The following RALGPS2 variants were observed in gnomAD, a reference collection of about 807,000 sequenced individuals.
The protein encoded by RALGPS2 is Ral GEF with PH domain and SH3 binding motif 2.
Under a neutral mutation model 86.8 loss-of-function variants are expected in RALGPS2, and 43 were observed. That is an observed-to-expected ratio of 0.50 (90% CI 0.39 to 0.64). The LOEUF (loss-of-function observed/expected upper bound fraction) is 0.64, where lower values mean the gene tolerates loss of function less well. Ranked by LOEUF, RALGPS2 falls within the 30% of genes least tolerant of loss-of-function variation. The probability of loss-of-function intolerance (pLI) is 0.00; values close to 1 mark genes in which losing one functional copy is unlikely to be tolerated. For synonymous variants in RALGPS2, 243 were observed against 231.3 expected, an observed-to-expected ratio of 1.05 and a Z score of -0.46; for missense variants, 536 against 694.6, an observed-to-expected ratio of 0.77 and a Z score of 2.57.
chr1:178,743,318 T>TTCA lies in RALGPS2; in HGVS notation c.-84+17900_-84+17902dup, dbSNP rs1024605381. Among the ~76,000 whole-genome samples the TTCA allele has an allele frequency of 8.2e-4, 125 of 152,310 alleles. 3 individuals carry two copies. The highest frequency in any genetic ancestry group is 8.5e-4 in the Admixed American group (13 of 15,296). ...AGAAAAGAAGAAAGATCTCAAATCA[T>TTCA]TCACTTCCATTTCTACCTTCAGGCA... On this transcript the variant is annotated intron_variant, in intron 1 of 19. Coordinates refer to ENST00000367635, the MANE Select transcript of RALGPS2 (RefSeq NM_152663.5).
At chr1:178,875,444 G>A (rs1366994611) in intron 8 of RALGPS2, among the ~76,000 whole-genome samples, 1 of 152,068 alleles carries the variant, frequency 6.6e-6, no homozygotes, top group East Asian at 1.9e-4. Context: ...TATAAGTAGG[G>A]GAGATTTAAA....
At chr1:178,826,675 T>A (rs1465031332) in intron 7 of RALGPS2, among the ~76,000 whole-genome samples, 1 of 152,222 alleles carries the variant, frequency 6.6e-6, no homozygotes, top group African/African-American at 2.4e-5. Flanking sequence ...TGGTTAATTG[T>A]ATGTTACGTA....
At chr1:178,784,068 A>C (rs1435852502) in intron 2 of RALGPS2, among the ~76,000 whole-genome samples, 1 of 152,178 alleles carries the variant, frequency 6.6e-6, no homozygotes, top group Non-Finnish European at 1.5e-5. Context: ...AAAAATTGTA[A>C]GTAAGTGTAT....
chr1:178,867,667 A>T (rs1017895667), intron 8 of RALGPS2, among the ~76,000 whole-genome samples: 1 of 151,948 alleles, frequency 6.6e-6, no homozygotes, highest in African/African-American at 2.4e-5. Flanking sequence ...TAATTATGCA[A>T]AAGTATTTAT....
intron 7 of RALGPS2, among the ~76,000 whole-genome samples, chr1:178,831,733 G>A (rs529442651): frequency 6.6e-6 from 1 of 150,498 alleles, no homozygotes; most frequent in African/African-American, 2.5e-5. Context: ...GAAAGAAAAG[G>A]CTTCTCAGTT....
intron 2 of RALGPS2, among the ~76,000 whole-genome samples, chr1:178,780,168 T>C (rs1206258255): frequency 6.6e-6 from 1 of 152,186 alleles, no homozygotes; most frequent in Non-Finnish European, 1.5e-5. Flanking sequence ...CATATTCTGC[T>C]GGTTAGAAAC....
rs529376139 is a variant in RALGPS2 at position 178,854,572 on chromosome 1, G to A, written c.607+21022G>A. Among the ~76,000 whole-genome samples, 11 of 152,150 alleles carry A rather than the reference G, an allele frequency of 7.2e-5. No individual in the cohort carries two copies. In the South Asian group the frequency reaches 2.3e-3, roughly 32 times the overall value. On this transcript the variant is annotated intron_variant, in intron 8 of 19. Coordinates refer to ENST00000367635, the MANE Select transcript of RALGPS2 (RefSeq NM_152663.5). ...AGCATAAATGAGTATCTAAAGAGTT[G>A]TATCAATCTGTATGACTAATAGTAA... is the stretch of plus-strand genomic sequence containing the variant.
At chr1:178,775,013 C>A (rs1653005569) in intron 1 of RALGPS2, among the ~76,000 whole-genome samples, 5 of 152,122 alleles carry the variant, frequency 3.3e-5, no homozygotes. Context: ...AGGTGTATTT[C>A]TAAGGTTTTG....
At chr1:178,852,281 A>G (rs1657222622) in intron 8 of RALGPS2, among the ~76,000 whole-genome samples, 1 of 152,056 alleles carries the variant, frequency 6.6e-6, no homozygotes, top group African/African-American at 2.4e-5. Context: ...TTCCCACCTA[A>G]CAAATTGTTT....
At chr1:178,894,641 G>A (rs939136944) in intron 16 of RALGPS2, among the ~76,000 whole-genome samples, 2 of 152,020 alleles carry the variant, frequency 1.3e-5, no homozygotes, top group African/African-American at 4.8e-5. Context: ...CCTGTGAATT[G>A]TTTATTTCTC....
At chr1:178,746,834 T>A (rs183035413) in intron 1 of RALGPS2, 1 of 1,172,312 alleles carries the variant, frequency 8.5e-7, no homozygotes, top group African/African-American at 1.5e-5. Context: ...CATTGTATCT[T>A]GCATTTTAGA....
At chr1:178,739,704 T>G (rs1650915941) in intron 1 of RALGPS2, among the ~76,000 whole-genome samples, 1 of 152,236 alleles carries the variant, frequency 6.6e-6, no homozygotes, top group African/African-American at 2.4e-5. Context: ...CGTGTCACTC[T>G]GTTTCCTTTC....
intron 8 of RALGPS2, chr1:178,865,682 T>G (rs1351945068): frequency 2.5e-6 from 4 of 1,614,056 alleles, no homozygotes; most frequent in Non-Finnish European, 3.4e-6. Flanking sequence ...TCTTCTCTGG[T>G]TTATTTTTTT....
At chr1:178,837,491 C>G (rs1399774123) in intron 8 of RALGPS2, among the ~76,000 whole-genome samples, 1 of 152,122 alleles carries the variant, frequency 6.6e-6, no homozygotes, top group South Asian at 2.1e-4. Context: ...TTCTCATATT[C>G]TCTAGTAAAA....
intron 4 of RALGPS2, among the ~76,000 whole-genome samples, chr1:178,800,876 C>G (rs1654436435): frequency 6.6e-6 from 1 of 151,620 alleles, no homozygotes; most frequent in South Asian, 2.1e-4. Flanking sequence ...GGAGAGAGGG[C>G]TGTGAATCAC....
At position 178,800,797 on chromosome 1, in the gene RALGPS2, A is replaced by G. The variant is rs149992264; in HGVS notation, c.214-7248A>G. Among the ~76,000 whole-genome samples the G allele has an allele frequency of 4.0e-4, 61 of 152,226 alleles. 2 individuals carry two copies. In the East Asian group the frequency reaches 9.5e-3, roughly 24 times the overall value. ...ACTGTATTTACTACTCTTTCTATAT[A>G]TGGTTGACTTAATTTCCCCAACTTT... On this transcript the variant is annotated intron_variant, in intron 4 of 19. Transcript: ENST00000367635.
chr1:178,858,357 T>C (rs1388710069), intron 8 of RALGPS2, among the ~76,000 whole-genome samples: 7 of 152,140 alleles, frequency 4.6e-5, no homozygotes, highest in Admixed American at 3.9e-4. Context: ...ATAAAGAACA[T>C]TGCTTGAAAG....
chr1:178,797,883 A>C lies in RALGPS2; in HGVS notation c.214-10162A>C, dbSNP rs893281464. The stretch of plus-strand genomic sequence containing the variant: ...CACCAGCCTTAACCCTGGCAGCCAC[A>C]AATCTGTTCTTCATCTTGTTGAACT... On this transcript the variant is annotated intron_variant, in intron 4 of 19. Coordinates refer to ENST00000367635, the MANE Select transcript of RALGPS2 (RefSeq NM_152663.5). Among the ~76,000 whole-genome samples, 9 of 151,792 alleles carry C rather than the reference A, an allele frequency of 5.9e-5. No homozygotes were observed. In the East Asian group the frequency reaches 1.7e-3, roughly 29 times the overall value.
chr1:178,797,190 A>G (rs1245114129), intron 4 of RALGPS2, among the ~76,000 whole-genome samples: 1 of 152,218 alleles, frequency 6.6e-6, no homozygotes, highest in Non-Finnish European at 1.5e-5. Flanking sequence ...ACCAGGCTGA[A>G]CTGTCAATAT....
Sources: gnomAD v4.1 joint callset for allele counts (sites outside exome capture counted in the v4.1 genomes callset) on GRCh38, gnomAD v4.1.1 for gene constraint, MANE v1.5 for transcripts, NCBI Gene and HGNC (gene_info 2026-07-23, HGNC 2026-07-21) for gene names.